Variants in EXT1 observed in about 807,000 individuals in gnomAD.
EXT1 encodes the protein exostosin-1.
EXT1 carries 20 observed loss-of-function variants against 82.5 expected under a neutral mutation model. The observed-to-expected ratio is 0.24, with a 90% CI of 0.17 to 0.35. The LOEUF is 0.35. Ranked by LOEUF, EXT1 falls within the 10% of genes least tolerant of loss-of-function variation. The pLI, the probability that EXT1 is intolerant of heterozygous loss-of-function variation, is 1.00. For synonymous variants in EXT1, 348 were observed against 350.8 expected, an observed-to-expected ratio of 0.99 and a Z score of 0.09; for missense variants, 757 against 936.5, an observed-to-expected ratio of 0.81 and a Z score of 2.50.
intron 1 of EXT1, among the ~76,000 whole-genome samples, chr8:117,924,666 A>G (rs1341954554): frequency 2.0e-5 from 3 of 152,358 alleles, no homozygotes; most frequent in Non-Finnish European, 4.4e-5. Flanking sequence ...TCTACACTAC[A>G]GCAGACCTGG....
At chr8:117,872,147 G>C (rs550250376) in intron 1 of EXT1, among the ~76,000 whole-genome samples, 1 of 63,520 alleles carries the variant, frequency 1.6e-5, no homozygotes, top group Admixed American at 2.0e-4. Flanking sequence ...TCAAAAGAAA[G>C]AAAAGGAAAA....
intron 1 of EXT1, among the ~76,000 whole-genome samples, chr8:117,934,180 A>G (rs992028020): frequency 6.6e-6 from 1 of 152,048 alleles, no homozygotes; most frequent in African/African-American, 2.4e-5. Flanking sequence ...ATACAGTAAG[A>G]GCAGCACCAG....
intron 1 of EXT1, among the ~76,000 whole-genome samples, chr8:117,865,453 G>A (rs1352766529): frequency 3.3e-5 from 5 of 152,172 alleles, no homozygotes; most frequent in Non-Finnish European, 2.9e-5. Context: ...GTGGTATCTA[G>A]ACTTTGTGAT....
At chr8:118,038,864 T>C (rs1458600142) in intron 1 of EXT1, among the ~76,000 whole-genome samples, 1 of 152,268 alleles carries the variant, frequency 6.6e-6, no homozygotes, top group Non-Finnish European at 1.5e-5. Context: ...GGCCTGAACA[T>C]GGCGTCTGTT....
intron 1 of EXT1, among the ~76,000 whole-genome samples, chr8:117,896,284 C>A (rs988121900): frequency 1.3e-5 from 2 of 152,216 alleles, no homozygotes; most frequent in Non-Finnish European, 2.9e-5. Flanking sequence ...TGCAAATCAT[C>A]ATCTTTTGTA....
chr8:118,102,809 T>C (rs1817744024), intron 1 of EXT1, among the ~76,000 whole-genome samples: 1 of 152,192 alleles, frequency 6.6e-6, no homozygotes. Flanking sequence ...TTTCCCAATC[T>C]TCCACAGAGG....
At chr8:117,912,337 C>A (rs1813664305) in intron 1 of EXT1, among the ~76,000 whole-genome samples, 1 of 152,208 alleles carries the variant, frequency 6.6e-6, no homozygotes, top group Non-Finnish European at 1.5e-5. Context: ...TATTTTAGGA[C>A]CTAAGGGGCA....
chr8:118,041,020 G>T (rs1022293787), intron 1 of EXT1, among the ~76,000 whole-genome samples: 1 of 152,030 alleles, frequency 6.6e-6, no homozygotes, highest in Non-Finnish European at 1.5e-5. Context: ...AATTAGGAGA[G>T]GTTAATACAC....
Position 117,942,328 on chromosome 8 carries a change from C to T in EXT1, c.963-105127G>A, listed in dbSNP as rs142579572. Among the ~76,000 whole-genome samples the T allele has an allele frequency of 2.1e-3, 314 of 152,278 alleles. 2 individuals are homozygous for T. The highest frequency in any genetic ancestry group is 3.4e-3 in the Non-Finnish European group (232 of 68,028). On this transcript the variant is annotated intron_variant, in intron 1 of 10. Transcript: ENST00000378204. ...TCCTCTGGGTTTCTTCCTTATGAGA[C>T]TGTAATAATGTAGGGGAAAGGCAGA...
intron 1 of EXT1, among the ~76,000 whole-genome samples, chr8:118,029,456 T>G (rs1255935059): frequency 6.6e-6 from 1 of 152,052 alleles, no homozygotes; most frequent in African/African-American, 2.4e-5. Flanking sequence ...AAGTTACAAG[T>G]AATCCTCTTT....
At chr8:118,041,008 G>A (rs1816517853) in intron 1 of EXT1, among the ~76,000 whole-genome samples, 1 of 152,104 alleles carries the variant, frequency 6.6e-6, no homozygotes. Flanking sequence ...GCCAGTAGAT[G>A]GAATTAGGAG....
intron 4 of EXT1, among the ~76,000 whole-genome samples, chr8:117,829,150 T>C (rs1445437903): frequency 1.3e-5 from 2 of 152,194 alleles, no homozygotes; most frequent in African/African-American, 2.4e-5. Context: ...TCTGCTCTCC[T>C]TTCTTCAAGC....
chr8:118,010,112 A>G (rs191967851), intron 1 of EXT1, among the ~76,000 whole-genome samples: 92 of 152,216 alleles, frequency 6.0e-4, no homozygotes, highest in East Asian at 5.8e-4. Context: ...GGCAGGATAT[A>G]AGTATATTTT....
intron 1 of EXT1, among the ~76,000 whole-genome samples, chr8:118,073,658 A>G (rs1196950338): frequency 7.0e-6 from 1 of 141,998 alleles, no homozygotes; most frequent in African/African-American, 2.6e-5. Flanking sequence ...AGAAGAGAAG[A>G]GAAGAGAAGA....
At chr8:117,806,962 A>G (rs952718670) in intron 9 of EXT1, among the ~76,000 whole-genome samples, 1 of 152,190 alleles carries the variant, frequency 6.6e-6, no homozygotes, top group Non-Finnish European at 1.5e-5. Context: ...TCAGTTACCT[A>G]ATATGCCCTG....
intron 1 of EXT1, among the ~76,000 whole-genome samples, chr8:117,889,451 A>G (rs1329322280): frequency 1.3e-5 from 2 of 152,168 alleles, no homozygotes; most frequent in Admixed American, 6.5e-5. Context: ...TTAATCTATA[A>G]GCACTAGACC....
chr8:117,972,453 CT>C (rs1264298166), intron 1 of EXT1, among the ~76,000 whole-genome samples: 101 of 152,280 alleles, frequency 6.6e-4, no homozygotes, highest in African/African-American at 2.2e-3. Flanking sequence ...TGAAACCACT[CT>C]TGCTCAAATG....
chr8:118,095,560 T>A (rs1326312361), intron 1 of EXT1, among the ~76,000 whole-genome samples: 1 of 152,188 alleles, frequency 6.6e-6, no homozygotes, highest in Non-Finnish European at 1.5e-5. Flanking sequence ...ACATGTAGCA[T>A]ATAAGAAATG....
intron 1 of EXT1, among the ~76,000 whole-genome samples, chr8:118,004,868 A>C (rs1010108861): frequency 1.4e-4 from 21 of 152,174 alleles, no homozygotes; most frequent in African/African-American, 4.8e-4. Context: ...ATTTTGATTT[A>C]CCGGATATGA....
Sources: allele counts gnomAD v4.1 joint callset (sites outside exome capture counted in the v4.1 genomes callset), GRCh38; gene constraint gnomAD v4.1.1; transcripts MANE v1.5; gene names NCBI Gene and HGNC (gene_info 2026-07-23, HGNC 2026-07-21).